The following ZFP30 variants were observed in gnomAD, a reference collection of about 807,000 sequenced individuals.
ZFP30 encodes zinc finger protein 30 homolog.
Under a neutral mutation model 12.3 loss-of-function variants are expected in ZFP30, and 16 were observed. The observed-to-expected ratio is 1.30, with a 90% CI of 0.88 to 1.98. ZFP30 has a LOEUF of 1.98. Ranked by LOEUF, ZFP30 falls within the 30% of genes most tolerant of loss-of-function variation. The pLI is 0.00. For missense variants in ZFP30, 560 were observed against 611.2 expected, an observed-to-expected ratio of 0.92 and a Z score of 0.88; for synonymous variants, 172 against 201.0, an observed-to-expected ratio of 0.86 and a Z score of 1.22.
rs2044288167 is a variant in ZFP30, at chr19:37,634,902, C to T, written c.*79G>A. 2.8e-6 allele frequency: 4 copies of T among 1,410,172 alleles called. No homozygotes were observed. Among genetic ancestry groups the T allele is most frequent in the Admixed American group, 2.8e-5 (1 of 36,124 alleles). 87.4% of individuals were successfully genotyped at this position (1,410,172 alleles called of 1,614,324 possible). A position where few individuals can be genotyped will look rare whatever the true frequency, so the allele number is the denominator to read the frequency against. On this transcript the variant is annotated 3_prime_UTR_variant, in exon 6 of 6. Coordinates refer to ENST00000684514, the MANE Select transcript of ZFP30 (RefSeq NM_001320669.3). ...TGTGAGCATGAAGCAAAAGGGATTCCCACGTTCAAAAACCTTTCCTCTAGA... is the reference window on the plus strand; with the variant it reads ...TGTGAGCATGAAGCAAAAGGGATTCTCACGTTCAAAAACCTTTCCTCTAGA...
Position 37,647,813 on chromosome 19 carries a change from C to G in ZFP30, c.9+1G>C. The G allele has an allele frequency of 6.2e-7, 1 of 1,614,136 alleles. No homozygotes were observed. The highest frequency in any genetic ancestry group is 1.1e-5 in the South Asian group (1 of 91,086). On this transcript the variant is annotated splice_donor_variant, in intron 3 of 5. Coordinates refer to ENST00000684514, the MANE Select transcript of ZFP30 (RefSeq NM_001320669.3). LOFTEE classifies it high-confidence loss of function. ...CAAAGTAGAGAGAAATTCCAACTTA[C>G]ACGAGCCATGATTTTAGAACTGCTA...
intron 5 of ZFP30, among the ~76,000 whole-genome samples, chr19:37,639,021 T>G (rs1568381439): frequency 6.6e-6 from 1 of 152,196 alleles, no homozygotes; most frequent in South Asian, 2.1e-4. Context: ...ACAACAATAA[T>G]TTAAATGCTG....
In ZFP30 at chr19:37,631,330, A is replaced by G. The variant is rs1482430671; in HGVS notation, c.*3651T>C. The G allele has an allele frequency of 1.3e-5, 2 of 152,210 alleles. No homozygotes were observed. Among genetic ancestry groups the G allele is most frequent in the African/African-American group, 2.4e-5 (1 of 41,452 alleles). The allele number at this position is 152,210 out of a possible 1,614,324, so 9.4% of individuals were successfully genotyped here. A position where few individuals can be genotyped will look rare whatever the true frequency, so the allele number is the denominator to read the frequency against. On this transcript the variant is annotated 3_prime_UTR_variant, in exon 6 of 6. Transcript: ENST00000684514. ...TTACTTCATTATTTGGAGAAGCTAT[A>G]GTTTTATTTTCTTAATTATTAATTT...
chr19:37,635,611 A>G lies in ZFP30; in HGVS notation c.930T>C (p.Ser310=). Residue 310 remains serine (S), a synonymous_variant, in exon 6 of 6, where the codon AGT becomes AGC. Coordinates refer to ENST00000684514, the MANE Select transcript of ZFP30 (RefSeq NM_001320669.3). Reference sequence around the variant, plus strand: ...GTTTGTGATGTAGTCGAAGGCCTGTACTACACAGAAAGGCCTGACCACATT... The same window carrying G: ...GTTTGTGATGTAGTCGAAGGCCTGTGCTACACAGAAAGGCCTGACCACATT... The part of the protein sequence containing the change: ...CKECGQAFLC[S]TGLRLHHKLH... 6.2e-7 allele frequency: 1 copy of G among 1,614,074 alleles called. No homozygotes were observed. The highest frequency in any genetic ancestry group is 8.5e-7 in the Non-Finnish European group (1 of 1,180,000).
chr19:37,644,537 A>AAAAAC, intron 4 of ZFP30, 73 bp downstream of exon 4: 1 of 1,360,430 alleles, frequency 7.4e-7, no homozygotes, highest in Non-Finnish European at 9.5e-7. Flanking sequence ...CGTCTTTGGA[A>AAAAAC]AAAAACAAAG....
Position 37,653,616 on chromosome 19 carries a change from T to G in ZFP30, c.-78+1096A>C, listed in dbSNP as rs73621543. Among the ~76,000 whole-genome samples, 905 of 152,168 alleles carry G rather than the reference T, an allele frequency of 5.9e-3. 10 individuals are homozygous for G. Among genetic ancestry groups the G allele is most frequent in the African/African-American group, 0.021 (855 of 41,498 alleles). ...TTGCATAACATTCCATCACATGGAG[T>G]GTGATTTAACCATTTCCATACTGCT... On this transcript the variant is annotated intron_variant, in intron 2 of 5. Transcript: ENST00000684514.
chr19:37,640,720 CAAAATAAAAT>C (rs3079426), intron 5 of ZFP30, among the ~76,000 whole-genome samples: 14 of 149,336 alleles, frequency 9.4e-5, no homozygotes, highest in Admixed American at 3.3e-4. Flanking sequence ...AACCTCGTCT[CAAAATAAAAT>C]AAAATAAAAT....
Position 37,636,268 on chromosome 19 carries a change from T to C in ZFP30, c.273A>G (p.Gln91=). The C allele has an allele frequency of 6.2e-7, 1 of 1,601,448 alleles. No homozygotes were observed. The highest frequency in any genetic ancestry group is 8.5e-7 in the Non-Finnish European group (1 of 1,175,032). The change falls in exon 6 of 6, where the codon CAA becomes CAG. Residue 91 remains glutamine (Q), a synonymous_variant. Coordinates refer to ENST00000684514, the MANE Select transcript of ZFP30 (RefSeq NM_001320669.3). ...AGTTCATTTCATAAATATCCTTTCC[T>C]TGAAATAACTTTTTAGTGTCATATC... ...ESRYDTKKLF[Q]GKDIYEMNLS...
chr19:37,652,134 G>C (rs2044663755), intron 2 of ZFP30, among the ~76,000 whole-genome samples: 1 of 152,110 alleles, frequency 6.6e-6, no homozygotes, highest in African/African-American at 2.4e-5. Flanking sequence ...AACCAGAAGT[G>C]GATCACTGGG....
In ZFP30 at chr19:37,635,541, C is replaced by T. The variant is rs141842856; in HGVS notation, c.1000G>A (p.Ala334Thr). The change falls in exon 6 of 6, where the codon GCC becomes ACC. Residue 334 changes from alanine to threonine, a missense_variant. By Grantham distance (58) the Ala-to-Thr change is moderately conservative. Transcript: ENST00000684514. ...GTAAGTTGCTGCCGCACTCTAAAGG[C>T]CTTTCCACACTCCTTACATTCATAG... Reference protein sequence around the residue: ...KPYECKECGKAFRVRQQLTLH... With the variant: ...KPYECKECGKTFRVRQQLTLH... The T allele has an allele frequency of 1.9e-4, 300 of 1,614,076 alleles. No homozygotes were observed. The African/African-American group carries it at 2.5e-3, about 13-fold the overall frequency.
rs956950666 is a variant in ZFP30, at chr19:37,652,988, G to A, written c.-78+1724C>T. ...AAAAATTAGCCTGGCATGGTGGCGG[G>A]CACCTGTAATCCCAGCTACTTGGGA... On this transcript the variant is annotated intron_variant, in intron 2 of 5. Coordinates refer to ENST00000684514, the MANE Select transcript of ZFP30 (RefSeq NM_001320669.3). Among the ~76,000 whole-genome samples the A allele has an allele frequency of 5.3e-5, 8 of 151,818 alleles. No individual in the cohort carries two copies. The East Asian group carries it at 1.2e-3, about 22-fold the overall frequency.
At chr19:37,637,255 A>T (rs373043845) in intron 5 of ZFP30, among the ~76,000 whole-genome samples, 1 of 132,310 alleles carries the variant, frequency 7.6e-6, no homozygotes, top group Admixed American at 8.4e-5. Flanking sequence ...CCCAAGCTGG[A>T]GTGGAATGGC....
At chr19:37,640,882 C>T (rs989421047) in intron 5 of ZFP30, among the ~76,000 whole-genome samples, 1 of 151,824 alleles carries the variant, frequency 6.6e-6, no homozygotes, top group Non-Finnish European at 1.5e-5. Context: ...ATACAGGATA[C>T]AGAATATTTA....
intron 3 of ZFP30, 31 bp from the exon 4 acceptor site, chr19:37,644,767 A>G: frequency 6.3e-7 from 1 of 1,591,906 alleles, no homozygotes; most frequent in Non-Finnish European, 8.5e-7. Flanking sequence ...ATTATTTGTA[A>G]GATAAATGAA....
chr19:37,633,065 G>A lies in ZFP30; in HGVS notation c.*1916C>T, dbSNP rs1410982642. ...GGGCGCCTGTAATCCCAGCCACTCG[G>A]AAGTCTGAGGGAGGAGAATGGCTTG... On this transcript the variant is annotated 3_prime_UTR_variant, in exon 6 of 6. Coordinates refer to ENST00000684514, the MANE Select transcript of ZFP30 (RefSeq NM_001320669.3). 1 of 151,474 alleles carries A rather than the reference G, an allele frequency of 6.6e-6. No homozygotes were observed. Among genetic ancestry groups the A allele is most frequent in the Admixed American group, 6.6e-5 (1 of 15,164 alleles). 9.4% of individuals were successfully genotyped at this position (151,474 alleles called of 1,614,324 possible).
chr19:37,644,491 G>A (rs904129792), intron 4 of ZFP30, 119 bp downstream of exon 4: 28 of 1,108,058 alleles, frequency 2.5e-5, no homozygotes, highest in South Asian at 5.5e-5. Context: ...CCAAGATTGC[G>A]CCACTGCACT....
Position 37,635,735 on chromosome 19 carries a change from G to A in ZFP30, c.806C>T (p.Pro269Leu), listed in dbSNP as rs760348894. The change falls in exon 6 of 6, where the codon CCC (proline) becomes CTC (leucine). Residue 269 changes from proline to leucine, a missense_variant. By Grantham distance (98) the Pro-to-Leu change is moderately conservative. Transcript: ENST00000684514. ...LHQRIHTGEK[P>L]YECKECGKAF... The stretch of plus-strand genomic sequence containing the variant: ...CTTCCCACATTCTTTACATTCATAG[G>A]GTTTCTCACCCGTGTGAATCCTTTG... The A allele has an allele frequency of 1.9e-6, 3 of 1,614,014 alleles. No homozygotes were observed. In the African/African-American group the frequency reaches 4.0e-5, roughly 22 times the overall value.
chr19:37,651,036 C>G (rs2044639859), intron 2 of ZFP30, among the ~76,000 whole-genome samples: 1 of 152,068 alleles, frequency 6.6e-6, no homozygotes, highest in African/African-American at 2.4e-5. Flanking sequence ...GCCACTGCAC[C>G]CAGCCTCAAT....
At position 37,634,087 on chromosome 19, in the gene ZFP30, C is replaced by G. The variant is rs1239597008; in HGVS notation, c.*894G>C. ...GTTTCATTGCATTTGACTGATGTCT[C>G]AAGTCTGTCAATACCTAGGAGTTCC... On this transcript the variant is annotated 3_prime_UTR_variant, in exon 6 of 6. Transcript: ENST00000684514. 6.6e-6 allele frequency: 1 copy of G among 152,118 alleles called. No individual in the cohort carries two copies. The highest frequency in any genetic ancestry group is 6.5e-5 in the Admixed American group (1 of 15,282). The allele number at this position is 152,118 out of a possible 1,614,324, so 9.4% of individuals were successfully genotyped here.
Sources: allele counts gnomAD v4.1 joint callset (sites outside exome capture counted in the v4.1 genomes callset), GRCh38; gene constraint gnomAD v4.1.1; transcripts MANE v1.5; gene names NCBI Gene and HGNC (gene_info 2026-07-23, HGNC 2026-07-21).